CSMD3: variants seen among roughly 807,000 people sequenced by gnomAD.
CSMD3 encodes the protein CUB and sushi domain-containing protein 3.
CSMD3 carries 177 observed loss-of-function variants against 435.2 expected under a neutral mutation model. The ratio of observed to expected loss-of-function variants is 0.41; its 90% CI spans 0.36 to 0.46. The LOEUF (loss-of-function observed/expected upper bound fraction) is 0.46, where lower values mean the gene tolerates loss of function less well. Among genes scored for constraint, CSMD3 ranks in the 20% least tolerant of loss-of-function variants. CSMD3 has a pLI of 0.34. For synonymous variants in CSMD3, 1,656 were observed against 1,520.5 expected, an observed-to-expected ratio of 1.09 and a Z score of -2.07; for missense variants, 4,265 against 4,504.6, an observed-to-expected ratio of 0.95 and a Z score of 1.52.
At chr8:112,312,997 G>T (rs1822127874) in intron 49 of CSMD3, among the ~76,000 whole-genome samples, 1 of 152,090 alleles carries the variant, frequency 6.6e-6, no homozygotes, top group African/African-American at 2.4e-5. Context: ...GATTCTGAGG[G>T]ATTCTGCTAT....
At chr8:112,752,962 G>A (rs1015893995) in intron 13 of CSMD3, among the ~76,000 whole-genome samples, 60 of 150,100 alleles carry the variant, frequency 4.0e-4, no homozygotes, top group African/African-American at 1.4e-3. Context: ...GTCTCCCTCT[G>A]TCACCCATGC....
At chr8:113,410,950 A>AAAGAAAG (rs2094556630) in intron 1 of CSMD3, among the ~76,000 whole-genome samples, 1 of 143,296 alleles carries the variant, frequency 7.0e-6, no homozygotes, top group Non-Finnish European at 1.5e-5. Flanking sequence ...AGAAAGAAAG[A>AAAGAAAG]AAGAGAAGGG....
rs1465781044 is a variant in CSMD3 at position 112,701,798 on chromosome 8, C to T, written c.1973-11748G>A. Among the ~76,000 whole-genome samples, 3 of 152,134 alleles carry T rather than the reference C, an allele frequency of 2.0e-5. No homozygotes were observed. In the East Asian group the frequency reaches 5.8e-4, roughly 29 times the overall value. The stretch of plus-strand genomic sequence containing the variant: ...AACCTAAGTGTTAGACATGTTGAAG[C>T]ACTTGTTGTTCCCTTTCAACCTCTG... On this transcript the variant is annotated intron_variant, in intron 13 of 70. Transcript: ENST00000297405.
At chr8:113,111,794 C>T (rs1213968088) in intron 4 of CSMD3, among the ~76,000 whole-genome samples, 12 of 152,098 alleles carry the variant, frequency 7.9e-5, no homozygotes, top group Admixed American at 7.9e-4. Flanking sequence ...GATTCCCCTG[C>T]CTCAGCTTGC....
Position 112,286,984 on chromosome 8 carries a change from T to G in CSMD3, c.9331+80A>C. On this transcript the variant is annotated intron_variant, in intron 58 of 70. Coordinates refer to ENST00000297405, the MANE Select transcript of CSMD3 (RefSeq NM_198123.2). ...GCAGAATAAACTAGTAAGAGTAATT[T>G]TCCTAGTAGTACTCATCTGGATTTA... The G allele has an allele frequency of 2.6e-6, 3 of 1,138,436 alleles. No individual in the cohort carries two copies. In the South Asian group the frequency reaches 3.7e-5, roughly 14 times the overall value. 70.5% of individuals were successfully genotyped at this position (1,138,436 alleles called of 1,614,324 possible).
chr8:112,838,868 A>C (rs2080102257), intron 11 of CSMD3, among the ~76,000 whole-genome samples: 1 of 151,748 alleles, frequency 6.6e-6, no homozygotes, highest in Non-Finnish European at 1.5e-5. Flanking sequence ...AGGTAAACTT[A>C]TATGAAATTT....
chr8:113,182,585 G>A (rs1455028722), intron 3 of CSMD3, among the ~76,000 whole-genome samples: 12 of 151,744 alleles, frequency 7.9e-5, no homozygotes, highest in South Asian at 4.2e-4. Context: ...AACTCACAAC[G>A]AATTGCTTAA....
chr8:113,134,055 G>A (rs2091353521), intron 4 of CSMD3, among the ~76,000 whole-genome samples: 1 of 151,994 alleles, frequency 6.6e-6, no homozygotes, highest in Admixed American at 6.6e-5. Flanking sequence ...TATATGTTTT[G>A]TTACCACAAT....
intron 1 of CSMD3, among the ~76,000 whole-genome samples, chr8:113,364,517 G>T (rs569637018): frequency 6.6e-6 from 1 of 152,112 alleles, no homozygotes; most frequent in East Asian, 1.9e-4. Flanking sequence ...AAGGAAAATA[G>T]CCAAATTAAA....
intron 16 of CSMD3, among the ~76,000 whole-genome samples, chr8:112,674,737 G>A (rs755970967): frequency 1.3e-5 from 2 of 152,090 alleles, no homozygotes; most frequent in Non-Finnish European, 2.9e-5. Flanking sequence ...CAAGCTCATT[G>A]TATAAGCAAA....
At chr8:112,463,513 C>T (rs188630788) in intron 32 of CSMD3, among the ~76,000 whole-genome samples, 49 of 152,306 alleles carry the variant, frequency 3.2e-4, no homozygotes, top group South Asian at 2.5e-3. Flanking sequence ...TGCTGGCAAA[C>T]TTGCACTTAG....
At chr8:113,073,363 A>AT (rs1309712628) in intron 5 of CSMD3, among the ~76,000 whole-genome samples, 1 of 151,790 alleles carries the variant, frequency 6.6e-6, no homozygotes. Context: ...AAATTCTTTG[A>AT]TAAAAAGAGT....
intron 3 of CSMD3, among the ~76,000 whole-genome samples, chr8:113,205,825 A>G (rs1301343773): frequency 2.0e-5 from 3 of 152,216 alleles, no homozygotes; most frequent in Admixed American, 2.0e-4. Flanking sequence ...GTAATGATAT[A>G]CTATTTTGCA....
At chr8:112,880,924 T>C (rs1420187620) in intron 10 of CSMD3, among the ~76,000 whole-genome samples, 1 of 152,058 alleles carries the variant, frequency 6.6e-6, no homozygotes, top group Non-Finnish European at 1.5e-5. Context: ...CTTAAAAATG[T>C]AGCTGTTTTC....
At chr8:113,092,246 T>C (rs2090030239) in intron 5 of CSMD3, among the ~76,000 whole-genome samples, 2 of 152,208 alleles carry the variant, frequency 1.3e-5, no homozygotes, top group Non-Finnish European at 1.5e-5. Context: ...AGGCAGATTA[T>C]CAAAGGAAAG....
At chr8:113,135,000 C>A (rs1363638871) in intron 4 of CSMD3, among the ~76,000 whole-genome samples, 2 of 152,018 alleles carry the variant, frequency 1.3e-5, no homozygotes, top group Non-Finnish European at 2.9e-5. Flanking sequence ...ACAATGAGAT[C>A]TAATCCAGTC....
intron 64 of CSMD3, among the ~76,000 whole-genome samples, chr8:112,246,811 T>C (rs1206139124): frequency 1.3e-5 from 2 of 152,204 alleles, no homozygotes; most frequent in Non-Finnish European, 2.9e-5. Context: ...AACAAAATTG[T>C]GCCTTGTGCT....
chr8:113,096,086 T>C (rs1278592441), intron 5 of CSMD3, among the ~76,000 whole-genome samples: 1 of 152,160 alleles, frequency 6.6e-6, no homozygotes, highest in Non-Finnish European at 1.5e-5. Context: ...CAGGAATAAT[T>C]ACTTCCACTT....
At chr8:112,364,900 G>A (rs1457798864) in intron 38 of CSMD3, among the ~76,000 whole-genome samples, 1 of 152,040 alleles carries the variant, frequency 6.6e-6, no homozygotes, top group Non-Finnish European at 1.5e-5. Flanking sequence ...ATGTGGATCA[G>A]GAAAAAGAAA....
Sources: gnomAD v4.1 joint callset for allele counts (sites outside exome capture counted in the v4.1 genomes callset) on GRCh38, gnomAD v4.1.1 for gene constraint, MANE v1.5 for transcripts, NCBI Gene and HGNC (gene_info 2026-07-23, HGNC 2026-07-21) for gene names.